The following NPM2 variants were observed in gnomAD, a reference collection of about 807,000 sequenced individuals.
NPM2 encodes nucleophosmin/nucleoplasmin 2.
A neutral mutation model predicts 32.0 loss-of-function variants in NPM2; 25 were observed. The observed-to-expected ratio is 0.78, with a 90% CI of 0.57 to 1.09. The LOEUF (loss-of-function observed/expected upper bound fraction) is 1.09, where lower values mean the gene tolerates loss of function less well. NPM2 is among the 50% of genes least tolerant of loss of function. NPM2 has a pLI of 0.00. For synonymous variants in NPM2, 111 were observed against 94.2 expected, an observed-to-expected ratio of 1.18 and a Z score of -1.04; for missense variants, 282 against 259.9, an observed-to-expected ratio of 1.08 and a Z score of -0.58.
rs1158098344 is a variant in NPM2 at position 22,025,463 on chromosome 8, C to T, written c.86C>T (p.Thr29Ile). Residue 29 changes from threonine (T) to isoleucine (I), a missense_variant, in exon 4 of 10, where the codon ACT becomes ATT. Coordinates refer to ENST00000518119, the MANE Select transcript of NPM2 (RefSeq NM_001286680.2). ...WGCELSQERR[T>I]WTFRPQLEGK... ...TGCGAGCTCAGTCAGGAGAGGCGGA[C>T]TTGGACCTTCAGACCCCAGCTGGAG... 1.9e-6 allele frequency: 3 copies of T among 1,614,058 alleles called. No individual in the cohort carries two copies. The highest frequency in any genetic ancestry group is 2.5e-6 in the Non-Finnish European group (3 of 1,180,032).
rs753876663 is a variant in NPM2, at chr8:22,034,531, G to C, written c.553G>C (p.Glu185Gln). Residue 185 changes from glutamate to glutamine, a missense_variant, in exon 8 of 10, where the codon GAA becomes CAA. Coordinates refer to ENST00000518119, the MANE Select transcript of NPM2 (RefSeq NM_001286680.2). ...VAKKKKLEKE[E>Q]EEIRASVRDK... ...CCAGAAAAAAAAGCTGGAAAAAGAA[G>C]AAGAGGAAATAAGGTAACTCTTTCT... The C allele has an allele frequency of 1.2e-6, 2 of 1,611,922 alleles. No individual in the cohort carries two copies. Among genetic ancestry groups the C allele is most frequent in the Non-Finnish European group, 1.7e-6 (2 of 1,178,246 alleles).
intron 8 of NPM2, 86 bp from the exon 9 acceptor site, chr8:22,036,407 G>C: frequency 7.2e-7 from 1 of 1,386,680 alleles, no homozygotes; most frequent in Non-Finnish European, 9.9e-7. Flanking sequence ...TCCAGGGTGG[G>C]CACTGGGAGG....
intron 8 of NPM2, 29 bp downstream of exon 8, chr8:22,034,573 A>G: frequency 1.3e-6 from 2 of 1,572,166 alleles, no homozygotes; most frequent in South Asian, 1.1e-5. Context: ...TAAATTAGCC[A>G]AAGTCTCCAG....
rs781011754 is a variant in NPM2, at chr8:22,025,248, C to T, written c.-1C>T. On this transcript the variant is annotated 5_prime_UTR_variant, in exon 3 of 10. Transcript: ENST00000518119. ...GCCAGCCCGCTTCTCTGCCCGGAGC[C>T]ATGAATCTCAGTAGCGCCAGTAGCA... 6 of 1,611,388 alleles carry T rather than the reference C, an allele frequency of 3.7e-6. No homozygotes were observed. In the East Asian group the frequency reaches 6.7e-5, roughly 18 times the overall value.
chr8:22,028,341 ATTTTTTT>A (rs36012479), intron 5 of NPM2, among the ~76,000 whole-genome samples: 6 of 65,570 alleles, frequency 9.2e-5, no homozygotes, highest in Admixed American at 2.0e-4. Flanking sequence ...TGCCAAAAAG[ATTTTTTT>A]TTTTTTTTTT....
Position 22,025,483 on chromosome 8 carries a change from C to G in NPM2, c.106C>G (p.Leu36Val), listed in dbSNP as rs1451769815. 1 of 1,614,172 alleles carries G rather than the reference C, an allele frequency of 6.2e-7. No individual in the cohort carries two copies. The highest frequency in any genetic ancestry group is 8.5e-7 in the Non-Finnish European group (1 of 1,180,030). Residue 36 changes from leucine to valine, a missense_variant, in exon 4 of 10, where the codon CTG becomes GTG. Leu to Val is a conservative substitution (Grantham distance 32). Coordinates refer to ENST00000518119, the MANE Select transcript of NPM2 (RefSeq NM_001286680.2). ...ERRTWTFRPQLEGKQSCRLLL... is the reference protein window; with the variant it reads ...ERRTWTFRPQVEGKQSCRLLL... ...GCGGACTTGGACCTTCAGACCCCAG[C>G]TGGAGGGGAAGCAGAGCTGCAGGCT...
intron 2 of NPM2, 174 bp downstream of exon 2, chr8:22,025,004 C>G: frequency 1.9e-6 from 1 of 536,478 alleles, no homozygotes; most frequent in Non-Finnish European, 3.3e-6. Context: ...GTCCCGCTGT[C>G]CTGTACGCGC....
chr8:22,033,275 G>A lies in NPM2; in HGVS notation c.364+52G>A, dbSNP rs766722249. 3.8e-5 allele frequency: 52 copies of A among 1,361,996 alleles called. 1 individual carries two copies. The South Asian group carries it at 5.9e-4, about 16-fold the overall frequency. The allele number at this position is 1,361,996 out of a possible 1,614,324, so 84.4% of individuals were successfully genotyped here. A position where few individuals can be genotyped will look rare whatever the true frequency, so the allele number is the denominator to read the frequency against. On this transcript the variant is annotated intron_variant, in intron 6 of 9. Coordinates refer to ENST00000518119, the MANE Select transcript of NPM2 (RefSeq NM_001286680.2). The stretch of plus-strand genomic sequence containing the variant: ...GTCCGTGAGTACCGTGCTAGGCAGG[G>A]GCTCGGGACATACTAGCTACTCAAA...
In NPM2 at chr8:22,034,228, A is replaced by G. The variant is rs1458634318; in HGVS notation, c.484A>G (p.Lys162Glu). ...ATCTCTGGAGGAGCAAAGCCCTGTCAAACAAGTCAAAAGGCTGGTGCCCCA... is the reference window on the plus strand; with the variant it reads ...ATCTCTGGAGGAGCAAAGCCCTGTCGAACAAGTCAAAAGGCTGGTGCCCCA... Reference protein sequence around the residue: ...DISLEEQSPVKQVKRLVPQKQ... With the variant: ...DISLEEQSPVEQVKRLVPQKQ... The change falls in exon 7 of 10, where the codon AAA becomes GAA. Residue 162 changes from lysine (K) to glutamate (E), a missense_variant. Transcript: ENST00000518119. 6.2e-7 allele frequency: 1 copy of G among 1,608,974 alleles called. No homozygotes were observed. The highest frequency in any genetic ancestry group is 8.5e-7 in the Non-Finnish European group (1 of 1,177,548).
Position 22,026,187 on chromosome 8 carries a change from T to G in NPM2, c.270+415T>G, listed in dbSNP as rs138707149. ...CGTGCGAGGGGTCTAGGTTGCATGC[T>G]TCTTATGAGAATCGAATGCCTGATC... On this transcript the variant is annotated intron_variant, in intron 5 of 9. Coordinates refer to ENST00000518119, the MANE Select transcript of NPM2 (RefSeq NM_001286680.2). 7.1e-4 allele frequency among the ~76,000 whole-genome samples: 108 copies of G among 152,198 alleles called. 1 individual carries two copies. The East Asian group carries it at 0.014, about 19-fold the overall frequency.
chr8:22,031,745 C>T lies in NPM2; in HGVS notation c.271-1385C>T, dbSNP rs575727003. Among the ~76,000 whole-genome samples the T allele has an allele frequency of 1.4e-4, 21 of 152,338 alleles. No homozygotes were observed. The South Asian group carries it at 3.1e-3, about 23-fold the overall frequency. ...ACAGGCATGAGCCACCGTGCGTGCT[C>T]GGCCTGTGTGTGAGTTTTGAAGCAA... On this transcript the variant is annotated intron_variant, in intron 5 of 9. Coordinates refer to ENST00000518119, the MANE Select transcript of NPM2 (RefSeq NM_001286680.2).
intron 8 of NPM2, among the ~76,000 whole-genome samples, chr8:22,034,843 C>T (rs1392171540): frequency 6.6e-6 from 1 of 152,226 alleles, no homozygotes; most frequent in African/African-American, 2.4e-5. Flanking sequence ...CTTGGTGGCC[C>T]ACGCCTGTAA....
rs1800532975 is a variant in NPM2, at chr8:22,034,105, A to C, written c.365-4A>C. On this transcript the variant is annotated splice_polypyrimidine_tract_variant and splice_region_variant and intron_variant, in intron 6 of 9. Coordinates refer to ENST00000518119, the MANE Select transcript of NPM2 (RefSeq NM_001286680.2). ...CCCCTGCATCCTTTCCCATGCTATT[A>C]CAGAAGCATCAGACCTAACCTGGGA... 1 of 1,582,930 alleles carries C rather than the reference A, an allele frequency of 6.3e-7. No individual in the cohort carries two copies. The highest frequency in any genetic ancestry group is 1.3e-5 in the African/African-American group (1 of 74,108).
At position 22,034,081 on chromosome 8, in the gene NPM2, C is replaced by T. The variant is rs376142738; in HGVS notation, c.365-28C>T. 3.7e-5 allele frequency: 58 copies of T among 1,561,490 alleles called. No homozygotes were observed. The African/African-American group carries it at 6.6e-4, about 18-fold the overall frequency. ...TGATTCTGTAGCTCTGAAGCTGTGC[C>T]CCTGCATCCTTTCCCATGCTATTAC... On this transcript the variant is annotated intron_variant, in intron 6 of 9. Transcript: ENST00000518119.
intron 5 of NPM2, among the ~76,000 whole-genome samples, chr8:22,026,133 G>C (rs1318672311): frequency 6.6e-6 from 1 of 152,162 alleles, no homozygotes; most frequent in East Asian, 1.9e-4. Flanking sequence ...TAGATTCTCA[G>C]AGGAGCATGA....
chr8:22,032,259 C>A (rs1424960650), intron 5 of NPM2, among the ~76,000 whole-genome samples: 1 of 152,332 alleles, frequency 6.6e-6, no homozygotes, highest in East Asian at 1.9e-4. Flanking sequence ...TTACTATCGA[C>A]TGACAATTAT....
chr8:22,025,895 G>T, intron 5 of NPM2, 123 bp downstream of exon 5: 3 of 1,408,512 alleles, frequency 2.1e-6, no homozygotes, highest in Non-Finnish European at 2.0e-6. Flanking sequence ...AGGTAGCACA[G>T]CCCATGCAGA....
chr8:22,034,336 G>A, intron 7 of NPM2, 61 bp downstream of exon 7: 1 of 1,508,984 alleles, frequency 6.6e-7, no homozygotes, highest in Non-Finnish European at 9.0e-7. Context: ...CACTTAAGAG[G>A]GGTGGGCCAC....
chr8:22,035,344 G>T (rs1289257953), intron 8 of NPM2, among the ~76,000 whole-genome samples: 3 of 152,154 alleles, frequency 2.0e-5, no homozygotes, highest in Non-Finnish European at 4.4e-5. Context: ...CACAATCATG[G>T]CTCACTGCAG....
Sources: gnomAD v4.1 joint callset for allele counts (sites outside exome capture counted in the v4.1 genomes callset) on GRCh38, gnomAD v4.1.1 for gene constraint, MANE v1.5 for transcripts, NCBI Gene and HGNC (gene_info 2026-07-23, HGNC 2026-07-21) for gene names.